FGF12: variants seen among roughly 807,000 people sequenced by gnomAD.
FGF12 encodes the protein fibroblast growth factor 12.
Under a neutral mutation model 23.6 loss-of-function variants are expected in FGF12, and 14 were observed. The ratio of observed to expected loss-of-function variants is 0.59; its 90% CI spans 0.39 to 0.93. The LOEUF (loss-of-function observed/expected upper bound fraction) is 0.93. Among genes scored for constraint, FGF12 ranks in the 40% least tolerant of loss-of-function variants. The pLI, the probability that FGF12 is intolerant of heterozygous loss-of-function variation, is 0.00. For synonymous variants in FGF12, 62 were observed against 77.3 expected (o/e 0.80, Z 1.04); for missense variants, 175 against 217.8 (o/e 0.80, Z 1.24).
intron 2 of FGF12, among the ~76,000 whole-genome samples, chr3:192,646,588 C>T (rs751062239): frequency 2.6e-5 from 4 of 152,192 alleles, no homozygotes; most frequent in African/African-American, 7.2e-5. Flanking sequence ...GAAAGCACCA[C>T]GTTCAGTTAA....
chr3:192,406,870 C>T (rs558040781), intron 2 of FGF12, among the ~76,000 whole-genome samples: 4 of 152,322 alleles, frequency 2.6e-5, no homozygotes, highest in South Asian at 4.1e-4. Context: ...TTGCTGGAAA[C>T]CAACAGCACG....
intron 4 of FGF12, among the ~76,000 whole-genome samples, chr3:192,193,287 T>C (rs1203458381): frequency 2.6e-5 from 4 of 152,222 alleles, no homozygotes; most frequent in Non-Finnish European, 5.9e-5. Flanking sequence ...ATACTTTAGA[T>C]ATAATCTGAT....
At chr3:192,226,125 G>A (rs1401384911) in intron 4 of FGF12, among the ~76,000 whole-genome samples, 1 of 152,142 alleles carries the variant, frequency 6.6e-6, no homozygotes, top group East Asian at 1.9e-4. Flanking sequence ...TAAATTTCCT[G>A]ACTTGGTATA....
chr3:192,461,993 G>GAA (rs796434926), intron 2 of FGF12, among the ~76,000 whole-genome samples: 1 of 135,472 alleles, frequency 7.4e-6, no homozygotes, highest in Non-Finnish European at 1.6e-5. Context: ...TCTGTCACAA[G>GAA]AAAAAAAAAA....
At chr3:192,178,118 C>G (rs1030059594) in intron 4 of FGF12, among the ~76,000 whole-genome samples, 4 of 152,078 alleles carry the variant, frequency 2.6e-5, no homozygotes, top group Non-Finnish European at 4.4e-5. Context: ...ATGGGAAAGG[C>G]CTCTTTCTTT....
chr3:192,608,141 A>C (rs141201885), intron 2 of FGF12, among the ~76,000 whole-genome samples: 1 of 152,266 alleles, frequency 6.6e-6, no homozygotes, highest in African/African-American at 2.4e-5. Context: ...TGGTTACCAG[A>C]GTTGGGAAGG....
intron 4 of FGF12, among the ~76,000 whole-genome samples, chr3:192,212,664 C>T (rs994544507): frequency 1.3e-5 from 2 of 151,954 alleles, no homozygotes; most frequent in African/African-American, 4.8e-5. Context: ...TTTATCCTGC[C>T]TGGACTCAAA....
intron 4 of FGF12, among the ~76,000 whole-genome samples, chr3:192,229,671 A>AT (rs1335126070): frequency 6.6e-6 from 1 of 152,088 alleles, no homozygotes; most frequent in East Asian, 1.9e-4. Context: ...GTAAATGTAT[A>AT]TTTCTATGAG....
chr3:192,635,889 G>A (rs530154228), intron 2 of FGF12, among the ~76,000 whole-genome samples: 15 of 152,188 alleles, frequency 9.9e-5, no homozygotes, highest in East Asian at 1.9e-4. Flanking sequence ...CTTAAAGATC[G>A]TTTGGTCATC....
chr3:192,671,659 G>T (rs999312706), intron 2 of FGF12, among the ~76,000 whole-genome samples: 4 of 152,032 alleles, frequency 2.6e-5, no homozygotes, highest in Non-Finnish European at 5.9e-5. Context: ...TAAAGATCAC[G>T]TACAACGATA....
At chr3:192,186,158 G>A (rs557802296) in intron 4 of FGF12, among the ~76,000 whole-genome samples, 1 of 152,146 alleles carries the variant, frequency 6.6e-6, no homozygotes, top group South Asian at 2.1e-4. Context: ...TCAAATATAT[G>A]TTAACTTGAT....
chr3:192,158,407 CTTTCTTTCTCTTTCTTTT>C (rs1560171631), intron 5 of FGF12, among the ~76,000 whole-genome samples: 653 of 11,216 alleles, frequency 0.058, 14 homozygotes, highest in African/African-American at 0.25. Flanking sequence ...CTTTCTTTTT[CTTTCTTTCTCTTTCTTTT>C]TCTTTTTTCT....
In FGF12 at chr3:192,565,808, C is replaced by T. The variant is rs570318898; in HGVS notation, c.13+161373G>A. On this transcript the variant is annotated intron_variant, in intron 2 of 5. Transcript: ENST00000445105. Reference sequence around the variant, plus strand: ...GTCATTAAGAGACGCATGACTGGGCCGGGCATGGTGGCTCACGCCTGTAAT... The same window carrying T: ...GTCATTAAGAGACGCATGACTGGGCTGGGCATGGTGGCTCACGCCTGTAAT... 1.7e-4 allele frequency among the ~76,000 whole-genome samples: 26 copies of T among 152,270 alleles called. No homozygotes were observed. In the South Asian group the frequency reaches 1.9e-3, roughly 11 times the overall value.
chr3:192,430,446 G>A (rs1165527477), intron 2 of FGF12, among the ~76,000 whole-genome samples: 1 of 152,154 alleles, frequency 6.6e-6, no homozygotes, highest in African/African-American at 2.4e-5. Context: ...TTGCACAGCG[G>A]TGTACTTAAT....
intron 2 of FGF12, among the ~76,000 whole-genome samples, chr3:192,692,072 A>T (rs1717959574): frequency 6.6e-6 from 1 of 152,182 alleles, no homozygotes; most frequent in African/African-American, 2.4e-5. Flanking sequence ...TGATGGTTGA[A>T]TTCTACCAGA....
chr3:192,361,855 A>G (rs1394266665), intron 2 of FGF12, among the ~76,000 whole-genome samples: 1 of 152,232 alleles, frequency 6.6e-6, no homozygotes, highest in Non-Finnish European at 1.5e-5. Flanking sequence ...TCTTTTTCAA[A>G]GCAGTCCTAC....
intron 2 of FGF12, among the ~76,000 whole-genome samples, chr3:192,655,874 G>A (rs890599117): frequency 3.9e-5 from 6 of 151,968 alleles, no homozygotes; most frequent in African/African-American, 1.5e-4. Context: ...GGAATGGGAA[G>A]AGGTGAACAC....
intron 2 of FGF12, among the ~76,000 whole-genome samples, chr3:192,561,842 G>A (rs1220246500): frequency 4.0e-5 from 6 of 151,116 alleles, no homozygotes; most frequent in East Asian, 1.9e-4. Context: ...CTATGACCCC[G>A]TACTTCTGCT....
chr3:192,336,108 T>TACACAC lies in FGF12; in HGVS notation c.125-650_125-645dup, dbSNP rs34991386. Among the ~76,000 whole-genome samples the TACACAC allele has an allele frequency of 0.026, 3,790 of 144,010 alleles. 60 individuals are homozygous for TACACAC. The highest frequency in any genetic ancestry group is 0.052 in the South Asian group (235 of 4,510). The allele number at this position is 144,010 out of a possible 152,430, so 94.5% of individuals were successfully genotyped here. Reference sequence around the variant, plus strand: ...ATATATTTTATATCCAGGTGGGAAATACACACACACACACACACACACACA... The same window carrying TACACAC: ...ATATATTTTATATCCAGGTGGGAAATACACACACACACACACACACACACACACACA... On this transcript the variant is annotated intron_variant, in intron 3 of 5. Coordinates refer to ENST00000445105, the MANE Select transcript of FGF12 (RefSeq NM_004113.6). The surrounding 1 kb of genome is among the most constrained non-coding windows in gnomAD (Gnocchi z 4.3).
Sources: allele counts gnomAD v4.1 joint callset (sites outside exome capture counted in the v4.1 genomes callset), GRCh38; gene constraint gnomAD v4.1.1; non-coding constraint Gnocchi (gnomAD v3.1); transcripts MANE v1.5; gene names NCBI Gene and HGNC (gene_info 2026-07-23, HGNC 2026-07-21).